THSD7B: variants seen among roughly 807,000 people sequenced by gnomAD.
THSD7B encodes thrombospondin type 1 domain containing 7B, also known as thrombospondin type-1 domain-containing protein 7B.
THSD7B carries 138 observed loss-of-function variants against 213.6 expected under a neutral mutation model. The observed-to-expected ratio is 0.65, with a 90% confidence interval of 0.56 to 0.74. The LOEUF (loss-of-function observed/expected upper bound fraction) is 0.74, where lower values mean the gene tolerates loss of function less well. THSD7B is among the 30% of genes least tolerant of loss of function. The pLI is 0.00. For missense variants in THSD7B, 1,931 were observed against 1,991.5 expected, an observed-to-expected ratio of 0.97 and a Z score of 0.58; for synonymous variants, 742 against 687.0, an observed-to-expected ratio of 1.08 and a Z score of -1.25.
chr2:136,851,739 A>C (rs1683101892), intron 1 of THSD7B, among the ~76,000 whole-genome samples: 1 of 152,048 alleles, frequency 6.6e-6, no homozygotes, highest in South Asian at 2.1e-4. Context: ...CTTAAGGCCT[A>C]GTCTTGTATC....
intron 2 of THSD7B, among the ~76,000 whole-genome samples, chr2:137,027,275 A>G (rs1278494756): frequency 6.6e-6 from 1 of 152,152 alleles, no homozygotes; most frequent in Non-Finnish European, 1.5e-5. Context: ...AGAGCAGTCT[A>G]GGGAAGGTCT....
In THSD7B at chr2:137,197,882, T is replaced by C. The variant is rs549069826; in HGVS notation, c.1723+26944T>C. ...GAATAGGACCATGTCTTCAGGTCAT[T>C]GATAGCCACTTGAATCCTATCTCCA... On this transcript the variant is annotated intron_variant, in intron 7 of 27. Coordinates refer to ENST00000409968, the MANE Select transcript of THSD7B (RefSeq NM_001316349.2). Among the ~76,000 whole-genome samples the C allele has an allele frequency of 7.6e-4, 116 of 152,170 alleles. 1 individual carries two copies. Among genetic ancestry groups the C allele is most frequent in the Non-Finnish European group, 1.1e-3 (78 of 68,034 alleles).
At chr2:137,661,081 G>C (rs996099027) in intron 25 of THSD7B, among the ~76,000 whole-genome samples, 3 of 152,110 alleles carry the variant, frequency 2.0e-5, no homozygotes, top group African/African-American at 7.2e-5. Flanking sequence ...TAGATAAATA[G>C]CTTTAGGTAA....
At chr2:137,180,844 T>C (rs1680439783) in intron 7 of THSD7B, among the ~76,000 whole-genome samples, 1 of 152,188 alleles carries the variant, frequency 6.6e-6, no homozygotes, top group South Asian at 2.1e-4. Context: ...TAAGATGTTA[T>C]TTTTTGGTAA....
intron 14 of THSD7B, among the ~76,000 whole-genome samples, chr2:137,428,700 A>G (rs2105036485): frequency 6.6e-6 from 1 of 152,342 alleles, no homozygotes; most frequent in South Asian, 2.1e-4. Flanking sequence ...AAGACCAAGT[A>G]GTATGTGGTT....
At chr2:137,467,243 C>G (rs543158941) in intron 15 of THSD7B, among the ~76,000 whole-genome samples, 1 of 152,252 alleles carries the variant, frequency 6.6e-6, no homozygotes. Flanking sequence ...CTGCTTAAGG[C>G]AGCAGTGAAC....
intron 25 of THSD7B, 72 bp from the exon 26 acceptor site, chr2:137,663,311 T>C: frequency 7.7e-7 from 1 of 1,305,080 alleles, no homozygotes; most frequent in Non-Finnish European, 1.0e-6. Context: ...TTAAGTGATT[T>C]TAACATTATA....
chr2:137,593,780 T>C (rs1681907955), intron 17 of THSD7B, among the ~76,000 whole-genome samples: 1 of 152,034 alleles, frequency 6.6e-6, no homozygotes, highest in South Asian at 2.1e-4. Flanking sequence ...TTACTTCTGT[T>C]GATGCCAAAT....
Position 137,504,855 on chromosome 2 carries a change from A to G in THSD7B, c.3138+53832A>G, listed in dbSNP as rs569241491. On this transcript the variant is annotated intron_variant, in intron 15 of 27. Coordinates refer to ENST00000409968, the MANE Select transcript of THSD7B (RefSeq NM_001316349.2). ...GGCTGTCCAATAGGCAGACTCCAAAACAAGATTAAAGGCAATGTATTAGAG... is the reference window on the plus strand; with the variant it reads ...GGCTGTCCAATAGGCAGACTCCAAAGCAAGATTAAAGGCAATGTATTAGAG... Among the ~76,000 whole-genome samples, 7 of 152,308 alleles carry G rather than the reference A, an allele frequency of 4.6e-5. No individual in the cohort carries two copies. In the East Asian group the frequency reaches 1.3e-3, roughly 29 times the overall value.
chr2:136,929,344 T>C (rs1684592406), intron 2 of THSD7B, among the ~76,000 whole-genome samples: 1 of 152,204 alleles, frequency 6.6e-6, no homozygotes, highest in South Asian at 2.1e-4. Context: ...TTCCTTCCTG[T>C]CCCCACTTGC....
At chr2:137,520,966 CTT>C (rs907753444) in intron 15 of THSD7B, among the ~76,000 whole-genome samples, 1 of 152,146 alleles carries the variant, frequency 6.6e-6, no homozygotes, top group African/African-American at 2.4e-5. Flanking sequence ...TGGGTGAACT[CTT>C]TGGTCAGACA....
intron 13 of THSD7B, among the ~76,000 whole-genome samples, chr2:137,406,391 T>A (rs935530543): frequency 6.6e-6 from 1 of 152,196 alleles, no homozygotes; most frequent in African/African-American, 2.4e-5. Flanking sequence ...CCTGGGGCAA[T>A]TTTTGCCTGC....
intron 10 of THSD7B, among the ~76,000 whole-genome samples, chr2:137,255,664 C>T (rs1558975045): frequency 6.6e-6 from 1 of 152,138 alleles, no homozygotes; most frequent in Non-Finnish European, 1.5e-5. Flanking sequence ...CTTACTGTTC[C>T]CTCTTTCTGG....
intron 1 of THSD7B, among the ~76,000 whole-genome samples, chr2:136,850,391 T>A (rs975220694): frequency 3.3e-5 from 5 of 152,046 alleles, no homozygotes; most frequent in Non-Finnish European, 4.4e-5. Context: ...TCTCTAATAT[T>A]GCCTAAAAGA....
At chr2:136,903,159 GTT>G (rs5834523) in intron 2 of THSD7B, among the ~76,000 whole-genome samples, 1 of 151,528 alleles carries the variant, frequency 6.6e-6, no homozygotes, top group Admixed American at 6.6e-5. Context: ...CCAAAAAGGT[GTT>G]TTTTTTAAAA....
intron 12 of THSD7B, among the ~76,000 whole-genome samples, chr2:137,380,839 A>G (rs913776213): frequency 6.6e-6 from 1 of 152,252 alleles, no homozygotes; most frequent in Non-Finnish European, 1.5e-5. Flanking sequence ...CATGAGGTGC[A>G]TTAGGTGATC....
At chr2:137,133,049 T>G (rs1205633826) in intron 5 of THSD7B, among the ~76,000 whole-genome samples, 1 of 152,236 alleles carries the variant, frequency 6.6e-6, no homozygotes, top group African/African-American at 2.4e-5. Flanking sequence ...ACTCTAATCA[T>G]CTTATAATGA....
chr2:137,211,747 A>ATT (rs34530789), intron 7 of THSD7B, among the ~76,000 whole-genome samples: 1 of 151,794 alleles, frequency 6.6e-6, no homozygotes. Context: ...TTCTACAAGT[A>ATT]TTTTTTTGTT....
At chr2:137,609,762 C>T (rs533677984) in intron 17 of THSD7B, among the ~76,000 whole-genome samples, 1 of 152,120 alleles carries the variant, frequency 6.6e-6, no homozygotes, top group South Asian at 2.1e-4. Flanking sequence ...AGTTCTGGCC[C>T]CAGAGGTCAA....
Sources: gnomAD v4.1 joint callset for allele counts (sites outside exome capture counted in the v4.1 genomes callset) on GRCh38, gnomAD v4.1.1 for gene constraint, MANE v1.5 for transcripts, NCBI Gene and HGNC (gene_info 2026-07-23, HGNC 2026-07-21) for gene names.